The following AGAP1 variants were observed in gnomAD, a reference collection of about 807,000 sequenced individuals.
AGAP1 encodes the protein ArfGAP with GTPase domain, ankyrin repeat and PH domain 1, also known as arf-GAP with GTPase, ANK repeat and PH domain-containing protein 1.
A neutral mutation model predicts 105.3 loss-of-function variants in AGAP1; 29 were observed. The observed-to-expected ratio is 0.28, with a 90% CI of 0.21 to 0.38. The LOEUF (loss-of-function observed/expected upper bound fraction) is 0.38. Among genes scored for constraint, AGAP1 ranks in the 10% least tolerant of loss-of-function variants. The pLI is 1.00. For synonymous variants in AGAP1, 509 were observed against 485.9 expected (o/e 1.05, Z -0.63); for missense variants, 998 against 1,165.1 (o/e 0.86, Z 2.09).
chr2:236,029,939 G>A (rs993061387), intron 13 of AGAP1, among the ~76,000 whole-genome samples: 2 of 151,892 alleles, frequency 1.3e-5, no homozygotes, highest in Non-Finnish European at 2.9e-5. Context: ...AGGTCTCACT[G>A]TGTTGCCCAG....
intron 12 of AGAP1, among the ~76,000 whole-genome samples, chr2:235,942,039 G>A (rs1409474497): frequency 6.6e-6 from 1 of 152,130 alleles, no homozygotes; most frequent in African/African-American, 2.4e-5. Flanking sequence ...TCTTGAAATA[G>A]GCCTGAGCAT....
At chr2:235,670,499 C>T in intron 1 of AGAP1, 1 of 504,996 alleles carries the variant, frequency 2.0e-6, no homozygotes, top group Admixed American at 3.8e-5. Context: ...ACGCGGCTCG[C>T]CCGCGTCCGG....
At chr2:235,975,782 C>T (rs987065095) in intron 13 of AGAP1, among the ~76,000 whole-genome samples, 4 of 152,146 alleles carry the variant, frequency 2.6e-5, no homozygotes, top group Non-Finnish European at 2.9e-5. Flanking sequence ...AACATTCCAC[C>T]GGCACCTCCC....
At chr2:235,499,554 C>T (rs1473918198) in intron 1 of AGAP1, among the ~76,000 whole-genome samples, 2 of 152,170 alleles carry the variant, frequency 1.3e-5, no homozygotes, top group African/African-American at 4.8e-5. Context: ...GGTGAGCTCT[C>T]GTACCTTGCC....
chr2:235,870,341 A>G (rs1299022082), intron 9 of AGAP1, among the ~76,000 whole-genome samples: 3 of 152,152 alleles, frequency 2.0e-5, no homozygotes, highest in African/African-American at 7.2e-5. Flanking sequence ...TGCAGCAGAT[A>G]CCCTTATTCT....
At chr2:236,024,030 T>G (rs541551330) in intron 13 of AGAP1, among the ~76,000 whole-genome samples, 110 of 112,954 alleles carry the variant, frequency 9.7e-4, no homozygotes, top group African/African-American at 2.2e-3. Context: ...TGTTTTTTTT[T>G]TTTGTTTTTT....
intron 6 of AGAP1, among the ~76,000 whole-genome samples, chr2:235,790,836 T>C (rs1956933098): frequency 6.6e-6 from 1 of 152,174 alleles, no homozygotes. Context: ...AGGTCCCAGC[T>C]CGGTGGAATT....
chr2:235,684,266 G>A (rs754824585), intron 1 of AGAP1, among the ~76,000 whole-genome samples: 7 of 151,980 alleles, frequency 4.6e-5, no homozygotes, highest in South Asian at 2.1e-4. Context: ...GGATGGTCTC[G>A]ATCTCCTGAC....
chr2:235,869,537 G>T (rs565947978), intron 9 of AGAP1, among the ~76,000 whole-genome samples: 1 of 151,982 alleles, frequency 6.6e-6, no homozygotes, highest in East Asian at 1.9e-4. Flanking sequence ...GGAGGTGGAG[G>T]TTGCAGTGAG....
intron 16 of AGAP1, among the ~76,000 whole-genome samples, chr2:236,093,292 C>G (rs2059111225): frequency 1.3e-5 from 2 of 152,156 alleles, no homozygotes; most frequent in Admixed American, 6.5e-5. Flanking sequence ...TATTCCACCT[C>G]AAGGTGTCAG....
Position 235,612,211 on chromosome 2 carries a change from G to A in AGAP1, c.164-96968G>A, listed in dbSNP as rs1262609477. The stretch of plus-strand genomic sequence containing the variant: ...CCTGCTGCTTGGGTGTACGCTGGGC[G>A]GGTTCGCAGTGCTGGAAGAGAGAGT... On this transcript the variant is annotated intron_variant, in intron 1 of 17. Coordinates refer to ENST00000304032, the MANE Select transcript of AGAP1 (RefSeq NM_001037131.3). The surrounding 1 kb of genome is among the most constrained non-coding windows in gnomAD (Gnocchi z 4.3). Among the ~76,000 whole-genome samples, 2 of 152,160 alleles carry A rather than the reference G, an allele frequency of 1.3e-5. No homozygotes were observed. The highest frequency in any genetic ancestry group is 1.9e-4 in the East Asian group (1 of 5,186).
chr2:235,848,370 A>G (rs773905082), intron 9 of AGAP1, among the ~76,000 whole-genome samples: 2 of 152,250 alleles, frequency 1.3e-5, no homozygotes, highest in African/African-American at 4.8e-5. Context: ...CATGCAAGGT[A>G]AATGAATAAG....
At position 235,608,524 on chromosome 2, in the gene AGAP1, G is replaced by A. The variant is rs1191802829; in HGVS notation, c.164-100655G>A. Among the ~76,000 whole-genome samples the A allele has an allele frequency of 6.6e-6, 1 of 152,158 alleles. No homozygotes were observed. Among genetic ancestry groups the A allele is most frequent in the Non-Finnish European group, 1.5e-5 (1 of 68,042 alleles). ...CCTCCCTGGCCCAGCGTTGGGCTGG[G>A]ACCCTCTGCCTCTCCCAGTGAGACC... On this transcript the variant is annotated intron_variant, in intron 1 of 17. Transcript: ENST00000304032. This position sits in a 1 kb window ranked among gnomAD's most constrained non-coding sequence, Gnocchi z 5.4.
Position 236,113,710 on chromosome 2 carries a change from G to A in AGAP1, c.2115-6482G>A, listed in dbSNP as rs111331474. 1.2e-4 allele frequency among the ~76,000 whole-genome samples: 19 copies of A among 152,240 alleles called. 1 individual carries two copies. Among genetic ancestry groups the A allele is most frequent in the South Asian group, 2.1e-4 (1 of 4,826 alleles). ...CTCAAGGTCAGGTGCGGCAAAGCCCGTCAGGCAGCAATGCTAGAGTGTCTG... is the reference window on the plus strand; with the variant it reads ...CTCAAGGTCAGGTGCGGCAAAGCCCATCAGGCAGCAATGCTAGAGTGTCTG... On this transcript the variant is annotated intron_variant, in intron 16 of 17. Transcript: ENST00000304032. This position sits in a 1 kb window ranked among gnomAD's most constrained non-coding sequence, Gnocchi z 4.3.
chr2:235,565,503 A>G (rs1944319364), intron 1 of AGAP1, among the ~76,000 whole-genome samples: 1 of 152,184 alleles, frequency 6.6e-6, no homozygotes, highest in African/African-American at 2.4e-5. Flanking sequence ...GACCTACGAA[A>G]GGTGGGGCGG....
chr2:235,904,913 T>C lies in AGAP1; in HGVS notation c.1156-3825T>C, dbSNP rs6747286. Among the ~76,000 whole-genome samples the C allele has an allele frequency of 0.36, 55,138 of 152,002 alleles. 10,695 individuals are homozygous for C. The highest frequency in any genetic ancestry group is 0.64 in the South Asian group (3,070 of 4,806). ...GTAGGAAATGCATTTTGTAAAATTT[T>C]TAAAAATGTGCAGTGCCTTGAAATA... is the stretch of plus-strand genomic sequence containing the variant. On this transcript the variant is annotated intron_variant, in intron 10 of 17. Coordinates refer to ENST00000304032, the MANE Select transcript of AGAP1 (RefSeq NM_001037131.3). The surrounding 1 kb of genome is among the most constrained non-coding windows in gnomAD (Gnocchi z 4.2).
Position 235,968,461 on chromosome 2 carries a change from G to A in AGAP1, c.1484-1G>A. The A allele has an allele frequency of 6.5e-7, 1 of 1,547,786 alleles. No individual in the cohort carries two copies. Among genetic ancestry groups the A allele is most frequent in the Non-Finnish European group, 8.7e-7 (1 of 1,154,982 alleles). Reference sequence around the variant, plus strand: ...TTTTGCCTTTTCCGGTCCAATGGCAGACACAGGGCTGGGTGACTCCGTATG... The same window carrying A: ...TTTTGCCTTTTCCGGTCCAATGGCAAACACAGGGCTGGGTGACTCCGTATG... On this transcript the variant is annotated splice_acceptor_variant, in intron 12 of 17. Coordinates refer to ENST00000304032, the MANE Select transcript of AGAP1 (RefSeq NM_001037131.3). LOFTEE classifies it high-confidence loss of function.
At position 236,121,791 on chromosome 2, in the gene AGAP1, T is replaced by G. The variant is rs2059907276; in HGVS notation, c.2370+1344T>G. Among the ~76,000 whole-genome samples the G allele has an allele frequency of 6.6e-6, 1 of 152,132 alleles. No individual in the cohort carries two copies. The highest frequency in any genetic ancestry group is 2.4e-5 in the African/African-American group (1 of 41,416). ...GACAGGGGTGCTTCAACAACAGACA[T>G]TTATTTTTTCACAGTTCTGGAGGCT... is the stretch of plus-strand genomic sequence containing the variant. On this transcript the variant is annotated intron_variant, in intron 17 of 17. Coordinates refer to ENST00000304032, the MANE Select transcript of AGAP1 (RefSeq NM_001037131.3). This position sits in a 1 kb window ranked among gnomAD's most constrained non-coding sequence, Gnocchi z 4.9.
At chr2:235,661,086 T>G (rs1947932222) in intron 1 of AGAP1, among the ~76,000 whole-genome samples, 1 of 152,188 alleles carries the variant, frequency 6.6e-6, no homozygotes. Context: ...GATGGTTTAC[T>G]GAGAGTAGGC....
Sources: gnomAD v4.1 joint callset for allele counts (sites outside exome capture counted in the v4.1 genomes callset) on GRCh38, gnomAD v4.1.1 for gene constraint, Gnocchi (gnomAD v3.1) non-coding constraint, MANE v1.5 for transcripts, NCBI Gene and HGNC (gene_info 2026-07-23, HGNC 2026-07-21) for gene names.